Variants in MAPKAP1 observed in about 807,000 individuals in gnomAD.
MAPKAP1 encodes the protein target of rapamycin complex 2 subunit MAPKAP1.
In MAPKAP1, 20 loss-of-function variants were observed where a neutral mutation model predicts 65.7. The observed-to-expected ratio is 0.30, with a 90% CI of 0.21 to 0.44. The LOEUF (loss-of-function observed/expected upper bound fraction) is 0.44. Ranked by LOEUF, MAPKAP1 falls within the 20% of genes least tolerant of loss-of-function variation. The pLI is 1.00. For missense variants in MAPKAP1, 423 were observed against 648.0 expected (o/e 0.65, Z 3.77); for synonymous variants, 222 against 244.3 (o/e 0.91, Z 0.85).
At chr9:125,571,310 A>G (rs1339972828) in intron 5 of MAPKAP1, among the ~76,000 whole-genome samples, 1 of 152,226 alleles carries the variant, frequency 6.6e-6, no homozygotes, top group Non-Finnish European at 1.5e-5. Context: ...AAAACTTTTT[A>G]TCATCTACAG....
chr9:125,692,446 C>G (rs1191792122), intron 1 of MAPKAP1, among the ~76,000 whole-genome samples: 1 of 152,150 alleles, frequency 6.6e-6, no homozygotes, highest in South Asian at 2.1e-4. Context: ...TTGGAACAGG[C>G]AAATCCATAG....
intron 1 of MAPKAP1, among the ~76,000 whole-genome samples, chr9:125,677,220 C>T (rs938032430): frequency 5.3e-5 from 8 of 152,178 alleles, no homozygotes; most frequent in African/African-American, 1.9e-4. Context: ...GGGCGGATCA[C>T]TTGTGGTCAG....
At position 125,634,249 on chromosome 9, in the gene MAPKAP1, G is replaced by T. The variant is rs190062108; in HGVS notation, c.498+23402C>A. Among the ~76,000 whole-genome samples, 927 of 152,266 alleles carry T rather than the reference G, an allele frequency of 6.1e-3. 5 individuals are homozygous for T. Among genetic ancestry groups the T allele is most frequent in the Non-Finnish European group, 8.3e-3 (562 of 68,022 alleles). On this transcript the variant is annotated intron_variant, in intron 4 of 11. Coordinates refer to ENST00000265960, the MANE Select transcript of MAPKAP1 (RefSeq NM_001006617.3). The stretch of plus-strand genomic sequence containing the variant: ...TACTGCCAAGTGCTGCTGATAAGAG[G>T]TTTGAGAAAACAAGGCTTTATAAAG...
At chr9:125,452,255 C>T (rs976856793) in intron 10 of MAPKAP1, among the ~76,000 whole-genome samples, 3 of 152,258 alleles carry the variant, frequency 2.0e-5, no homozygotes, top group African/African-American at 4.8e-5. Context: ...TGCGCCACCA[C>T]GCCGAGCTAA....
At chr9:125,620,616 G>A (rs1174233470) in intron 4 of MAPKAP1, among the ~76,000 whole-genome samples, 5 of 152,136 alleles carry the variant, frequency 3.3e-5, no homozygotes, top group African/African-American at 9.7e-5. Flanking sequence ...AGTCTTCACC[G>A]ACAGAGAATT....
intron 7 of MAPKAP1, among the ~76,000 whole-genome samples, chr9:125,520,129 A>G (rs780141029): frequency 5.3e-5 from 8 of 152,196 alleles, no homozygotes; most frequent in Non-Finnish European, 1.2e-4. Context: ...CTTTCTGTGC[A>G]TTACTTTCCC....
rs902444694 is a variant in MAPKAP1, at chr9:125,706,809, C to T, written c.-70+162G>A. 2.6e-5 allele frequency among the ~76,000 whole-genome samples: 4 copies of T among 152,118 alleles called. No homozygotes were observed. In the East Asian group the frequency reaches 7.7e-4, roughly 29 times the overall value. On this transcript the variant is annotated intron_variant, in intron 1 of 11. Coordinates refer to ENST00000265960, the MANE Select transcript of MAPKAP1 (RefSeq NM_001006617.3). ...CTCAGACTCCTGACAGCCTCCAGTT[C>T]TGGAAATGGCCAGGAAACGAACGCG...
At chr9:125,646,172 G>A (rs548466906) in intron 4 of MAPKAP1, among the ~76,000 whole-genome samples, 1 of 152,218 alleles carries the variant, frequency 6.6e-6, no homozygotes, top group South Asian at 2.1e-4. Context: ...CAAAGCCTTT[G>A]GGTGGTGAAA....
At chr9:125,521,862 G>C (rs775814879) in intron 7 of MAPKAP1, 1 of 1,112,146 alleles carries the variant, frequency 9.0e-7, no homozygotes, top group Non-Finnish European at 1.3e-6. Context: ...TGAGTCAGTG[G>C]AGAGCAAGCT....
intron 4 of MAPKAP1, among the ~76,000 whole-genome samples, chr9:125,624,624 A>G (rs1589356973): frequency 5.1e-5 from 3 of 59,114 alleles, no homozygotes; most frequent in African/African-American, 1.3e-4. Context: ...GGGGGGGGTC[A>G]GCCCCCCTGC....
At position 125,602,792 on chromosome 9, in the gene MAPKAP1, C is replaced by T. The variant is rs368456427; in HGVS notation, c.499-17065G>A. Among the ~76,000 whole-genome samples the T allele has an allele frequency of 9.2e-5, 14 of 152,198 alleles. No homozygotes were observed. In the East Asian group the frequency reaches 1.4e-3, roughly 15 times the overall value. On this transcript the variant is annotated intron_variant, in intron 4 of 11. Coordinates refer to ENST00000265960, the MANE Select transcript of MAPKAP1 (RefSeq NM_001006617.3). Reference sequence around the variant, plus strand: ...TCGCTCATTCCCTCTTAGAGCTGTTCGTTAAGTAGGCTGTTCCAAAACCCT... The same window carrying T: ...TCGCTCATTCCCTCTTAGAGCTGTTTGTTAAGTAGGCTGTTCCAAAACCCT...
At chr9:125,606,732 C>T (rs896111156) in intron 4 of MAPKAP1, among the ~76,000 whole-genome samples, 12 of 152,160 alleles carry the variant, frequency 7.9e-5, no homozygotes, top group South Asian at 6.2e-4. Flanking sequence ...GCTCTTGATG[C>T]GAAAAGGAGA....
chr9:125,554,366 G>A (rs829179), intron 6 of MAPKAP1, among the ~76,000 whole-genome samples: 122,010 of 152,048 alleles, frequency 0.8, 51,485 homozygotes, highest in Non-Finnish European at 0.94. Context: ...GGTTTACCTA[G>A]GATGGAGGAA....
At chr9:125,672,235 C>G in intron 2 of MAPKAP1, 81 bp downstream of exon 2, 1 of 1,488,968 alleles carries the variant, frequency 6.7e-7, no homozygotes, top group Non-Finnish European at 9.2e-7. Context: ...CCCATTAAGC[C>G]TATTCCAATA....
At chr9:125,534,027 A>G (rs890707977) in intron 7 of MAPKAP1, among the ~76,000 whole-genome samples, 4 of 152,342 alleles carry the variant, frequency 2.6e-5, no homozygotes, top group Middle Eastern at 3.4e-3. Context: ...AGTAAATGCA[A>G]TATCATATAT....
intron 8 of MAPKAP1, chr9:125,505,972 T>G (rs1267703520): frequency 6.6e-6 from 2 of 304,344 alleles, no homozygotes; most frequent in Admixed American, 4.3e-5. Context: ...ATAGTGATAC[T>G]GACAGGGCCA....
At chr9:125,543,267 T>A in intron 6 of MAPKAP1, 99 bp from the exon 7 acceptor site, 1 of 842,000 alleles carries the variant, frequency 1.2e-6, no homozygotes, top group Non-Finnish European at 1.9e-6. Flanking sequence ...TTGTTGTTGT[T>A]TGTTTTGTTT....
chr9:125,551,828 G>C (rs1344625622), intron 6 of MAPKAP1, among the ~76,000 whole-genome samples: 1 of 152,158 alleles, frequency 6.6e-6, no homozygotes, highest in East Asian at 1.9e-4. Flanking sequence ...TTGGGAATGG[G>C]AGAAGGAGAC....
chr9:125,701,189 T>C (rs981561741), intron 1 of MAPKAP1, among the ~76,000 whole-genome samples: 31 of 152,250 alleles, frequency 2.0e-4, no homozygotes, highest in Admixed American at 1.1e-3. Context: ...CCAATTTCTC[T>C]GCTGAAATGG....
Sources: allele counts gnomAD v4.1 joint callset (sites outside exome capture counted in the v4.1 genomes callset), GRCh38; gene constraint gnomAD v4.1.1; transcripts MANE v1.5; gene names NCBI Gene and HGNC (gene_info 2026-07-23, HGNC 2026-07-21).